NEB: variants seen among roughly 807,000 people sequenced by gnomAD.
NEB encodes nebulin.
Under a neutral mutation model 952.2 loss-of-function variants are expected in NEB, and 512 were observed. The ratio of observed to expected loss-of-function variants is 0.54; its 90% CI spans 0.50 to 0.58. The LOEUF (loss-of-function observed/expected upper bound fraction) is 0.58. NEB is among the 20% of genes least tolerant of loss of function. The probability of loss-of-function intolerance (pLI) is 0.00; values close to 1 mark genes in which losing one functional copy is unlikely to be tolerated. For synonymous variants in NEB, 2,900 were observed against 3,149.8 expected, an observed-to-expected ratio of 0.92 and a Z score of 2.66; for missense variants, 8,428 against 9,231.1, an observed-to-expected ratio of 0.91 and a Z score of 3.56.
At chr2:151,650,058 T>C in intron 54 of NEB, 118 bp downstream of exon 54, 1 of 907,890 alleles carries the variant, frequency 1.1e-6, no homozygotes, top group Non-Finnish European at 1.7e-6. Flanking sequence ...ATATAAAATT[T>C]TATGTGGTGA....
intron 124 of NEB, among the ~76,000 whole-genome samples, chr2:151,555,689 C>T (rs4664058): frequency 0.22 from 32,895 of 151,886 alleles, 4,302 homozygotes; most frequent in Admixed American, 0.35. Flanking sequence ...CAAAACTCAG[C>T]GATTTGCACC....
Position 151,683,156 on chromosome 2 carries a change from G to T in NEB, c.2836-387C>A, listed in dbSNP as rs115781199. Among the ~76,000 whole-genome samples, 1,397 of 152,272 alleles carry T rather than the reference G, an allele frequency of 9.2e-3. 27 individuals carry two copies. The highest frequency in any genetic ancestry group is 0.032 in the African/African-American group (1,320 of 41,542). ...TCAAATTAAAATAGAAGGCCACATT[G>T]AAGGTGGGTTATTTGCTCATTTTCT... is the stretch of plus-strand genomic sequence containing the variant. On this transcript the variant is annotated intron_variant, in intron 28 of 181. Coordinates refer to ENST00000397345, the MANE Select transcript of NEB (RefSeq NM_001164508.2).
intron 71 of NEB, among the ~76,000 whole-genome samples, chr2:151,624,344 C>T (rs950985721): frequency 2.0e-5 from 3 of 152,060 alleles, no homozygotes; most frequent in African/African-American, 7.2e-5. Flanking sequence ...AAAAAATCTA[C>T]TTCAGTTCCC....
chr2:151,631,172 C>T lies in NEB; in HGVS notation c.9589G>A (p.Ala3197Thr). Residue 3197 changes from alanine (A) to threonine (T), a missense_variant, in exon 66 of 182, where the codon GCC (alanine) becomes ACC (threonine). Ala to Thr is a moderately conservative substitution (Grantham distance 58, BLOSUM62 0). Transcript: ENST00000397345. ...TTCATGTTGAGAGCATTGTTCTTGG[C>T]CAGCACCTGCTCTAGAGAATCAGTC... The part of the protein sequence containing the change: ...SVTDSLEQVL[A>T]KNNALNMNKR... 1 of 1,613,916 alleles carries T rather than the reference C, an allele frequency of 6.2e-7. No homozygotes were observed. Among genetic ancestry groups the T allele is most frequent in the Non-Finnish European group, 8.5e-7 (1 of 1,179,838 alleles).
rs748243107 is a variant in NEB at position 151,619,463 on chromosome 2, G to A, written c.10860C>T (p.Asp3620=). The change falls in exon 73 of 182, where the codon GAC becomes GAT. Residue 3620 remains aspartate, a synonymous_variant. Coordinates refer to ENST00000397345, the MANE Select transcript of NEB (RefSeq NM_001164508.2). ...CAAGGAAACTTACGTCACTCTGGAG[G>A]TCATAGGCTTTCCGTGCATGAATGA... ...NDIIHARKAY[D]LQSDNLYKSD... 2 of 1,605,842 alleles carry A rather than the reference G, an allele frequency of 1.2e-6. No individual in the cohort carries two copies. Among genetic ancestry groups the A allele is most frequent in the East Asian group, 2.2e-5 (1 of 44,732 alleles).
In NEB at chr2:151,501,018, T is replaced by C. The variant is rs149636338; in HGVS notation, c.24021+373A>G. Among the ~76,000 whole-genome samples, 4 of 152,334 alleles carry C rather than the reference T, an allele frequency of 2.6e-5. No homozygotes were observed. The South Asian group carries it at 6.2e-4, about 24-fold the overall frequency. On this transcript the variant is annotated intron_variant, in intron 168 of 181. Transcript: ENST00000397345. ...TCCTAAGGAAGAGCCACCATTTCTA[T>C]ATGTGGCTTCAAGTCCAGTATCTTT...
intron 161 of NEB, among the ~76,000 whole-genome samples, chr2:151,509,294 C>T (rs946702122): frequency 6.0e-5 from 9 of 150,070 alleles, no homozygotes; most frequent in Non-Finnish European, 1.2e-4. Context: ...GAAAAAGTCA[C>T]CTGGATGACT....
At chr2:151,650,132 G>C (rs1201098122) in intron 54 of NEB, 44 bp downstream of exon 54, 1 of 1,570,950 alleles carries the variant, frequency 6.4e-7, no homozygotes, top group Admixed American at 1.7e-5. Flanking sequence ...GCAAACACTA[G>C]GTAGCAGGCA....
chr2:151,573,731 C>G (rs1267615528), intron 107 of NEB, among the ~76,000 whole-genome samples: 1 of 150,906 alleles, frequency 6.6e-6, no homozygotes, highest in Non-Finnish European at 1.5e-5. Context: ...TAGTATCCTT[C>G]TTCTTCTGAG....
intron 163 of NEB, among the ~76,000 whole-genome samples, chr2:151,506,633 GA>G (rs1198455966): frequency 6.6e-6 from 1 of 152,118 alleles, no homozygotes; most frequent in Non-Finnish European, 1.5e-5. Context: ...ATGTCAAAAA[GA>G]AATCCATCTT....
In NEB at chr2:151,666,161, G is replaced by A; in HGVS notation, c.4960C>T (p.His1654Tyr). The change falls in exon 41 of 182, where the codon CAC becomes TAC. Residue 1654 changes from histidine (H) to tyrosine (Y), a missense_variant. Physicochemically the swap from His to Tyr is moderately conservative, Grantham distance 83. This residue lies in a region of NEB where 2,851 missense variants were observed against 2,791.5 expected (regional missense o/e 1.02). Coordinates refer to ENST00000397345, the MANE Select transcript of NEB (RefSeq NM_001164508.2). ...ATNANYRQSY[H>Y]HYTLLPDALN... The stretch of plus-strand genomic sequence containing the variant: ...GCATCGGGCAGGAGAGTGTAGTGGT[G>A]GTATGACTGTCTGTAGTTGGCGTTG... 1 of 1,613,952 alleles carries A rather than the reference G, an allele frequency of 6.2e-7. No homozygotes were observed. The highest frequency in any genetic ancestry group is 8.5e-7 in the Non-Finnish European group (1 of 1,179,852).
rs1037292749 is a variant in NEB, at chr2:151,505,356, G to A, written c.23742+122C>T. The A allele has an allele frequency of 1.5e-5, 13 of 851,142 alleles. No individual in the cohort carries two copies. The South Asian group carries it at 2.1e-4, about 14-fold the overall frequency. The allele number at this position is 851,142 out of a possible 1,614,324, so 52.7% of individuals were successfully genotyped here. ...TAGTGACCCCATCAAGACTAAGGGA[G>A]AATTCACAACATCCCCAAGGCATGG... On this transcript the variant is annotated intron_variant, in intron 165 of 181. Coordinates refer to ENST00000397345, the MANE Select transcript of NEB (RefSeq NM_001164508.2).
At chr2:151,572,499 TTGAA>T (rs1475124093) in intron 107 of NEB, among the ~76,000 whole-genome samples, 9 of 146,326 alleles carry the variant, frequency 6.2e-5, no homozygotes, top group Non-Finnish European at 1.3e-4. Context: ...TTTATATATA[TTGAA>T]TATTTATATA....
At chr2:151,629,829 A>T (rs2098624727) in intron 67 of NEB, among the ~76,000 whole-genome samples, 183 bp from the exon 68 acceptor site, 1 of 152,206 alleles carries the variant, frequency 6.6e-6, no homozygotes. Flanking sequence ...GTTAGAAATA[A>T]ATGGGATATA....
In NEB at chr2:151,617,121, A is replaced by G. The variant is rs545152474; in HGVS notation, c.11181+243T>C. Among the ~76,000 whole-genome samples, 13 of 152,342 alleles carry G rather than the reference A, an allele frequency of 8.5e-5. No homozygotes were observed. The South Asian group carries it at 1.4e-3, about 17-fold the overall frequency. The stretch of plus-strand genomic sequence containing the variant: ...ACCTGTAGGGGAAGGTTTTAAAAGT[A>G]TAATTCCTATGGAAATATTTATTCA... On this transcript the variant is annotated intron_variant, in intron 75 of 181. Transcript: ENST00000397345.
intron 9 of NEB, among the ~76,000 whole-genome samples, chr2:151,718,371 A>G (rs1171523125): frequency 2.6e-5 from 4 of 152,182 alleles, no homozygotes; most frequent in Non-Finnish European, 5.9e-5. Context: ...TCTGTGCCCA[A>G]TACTCTATGA....
At chr2:151,565,923 C>A in intron 114 of NEB, 103 bp from the exon 115 acceptor site, 1 of 711,568 alleles carries the variant, frequency 1.4e-6, no homozygotes, top group African/African-American at 1.8e-5. Flanking sequence ...GGATTTCTCT[C>A]TAGTAGTTTT....
At chr2:151,543,880 T>C (rs2094400243) in intron 135 of NEB, among the ~76,000 whole-genome samples, 1 of 152,258 alleles carries the variant, frequency 6.6e-6, no homozygotes, top group Non-Finnish European at 1.5e-5. Flanking sequence ...ACAACGTCCC[T>C]GCTTCCTAGT....
chr2:151,553,651 C>A, intron 126 of NEB, 149 bp from the exon 127 acceptor site: 1 of 850,268 alleles, frequency 1.2e-6, no homozygotes. Flanking sequence ...GCCACAGAAA[C>A]ATGTGTACAC....
Sources: allele counts gnomAD v4.1 joint callset (sites outside exome capture counted in the v4.1 genomes callset), GRCh38; gene constraint gnomAD v4.1.1; regional missense constraint gnomAD v4.1.1; transcripts MANE v1.5; gene names NCBI Gene and HGNC (gene_info 2026-07-23, HGNC 2026-07-21).